The following KIAA1549 variants were observed in gnomAD, a reference collection of about 807,000 sequenced individuals.
The protein encoded by KIAA1549 is KIAA1549, also known as UPF0606 protein KIAA1549.
In KIAA1549, 70 loss-of-function variants were observed where a neutral mutation model predicts 156.4. That is an observed-to-expected ratio of 0.45 (90% CI 0.37 to 0.55). KIAA1549 has a LOEUF of 0.55. Among genes scored for constraint, KIAA1549 ranks in the 20% least tolerant of loss-of-function variants. KIAA1549 has a pLI of 0.00. For missense variants in KIAA1549, 2,428 were observed against 2,540.9 expected (o/e 0.96, Z 0.96); for synonymous variants, 1,103 against 1,066.4 (o/e 1.03, Z -0.67).
chr7:138,853,691 G>A (rs760053763), intron 16 of KIAA1549, among the ~76,000 whole-genome samples: 10 of 152,132 alleles, frequency 6.6e-5, no homozygotes, highest in Non-Finnish European at 1.2e-4. Flanking sequence ...GGAACCTTGT[G>A]GAGTTCCCCA....
In KIAA1549 at chr7:138,844,774, C is replaced by T. The variant is rs540192358; in HGVS notation, c.5295-300G>A. 5.9e-5 allele frequency among the ~76,000 whole-genome samples: 9 copies of T among 152,098 alleles called. No individual in the cohort carries two copies. The South Asian group carries it at 8.3e-4, about 14-fold the overall frequency. On this transcript the variant is annotated intron_variant, in intron 17 of 19. Transcript: ENST00000422774. ...CCTGTGCTTCCTACCCCTGGCTACA[C>T]GTCTGCATCACCTGGCGGGCCCGAA...
rs1563039449 is a variant in KIAA1549 at position 138,832,190 on chromosome 7, C to CTTTTTTTTTTTTTTTGTTTTT, written c.*5715_*5716insAAAAACAAAAAAAAAAAAAAA. On this transcript the variant is annotated 3_prime_UTR_variant, in exon 20 of 20. Transcript: ENST00000422774. ...TTCACCTCTGTCCCTTTTACCTATT[C>CTTTTTTTTTTTTTTTGTTTTT]CTTTTTTTTTTTTTTTTTTTTCCAG... 1 of 168,174 alleles carries CTTTTTTTTTTTTTTTGTTTTT rather than the reference C, an allele frequency of 5.9e-6. No individual in the cohort carries two copies. Among genetic ancestry groups the CTTTTTTTTTTTTTTTGTTTTT allele is most frequent in the Non-Finnish European group, 1.1e-5 (1 of 89,230 alleles). 10.4% of individuals were successfully genotyped at this position (168,174 alleles called of 1,614,324 possible).
At chr7:138,842,647 T>C (rs1355109352) in intron 18 of KIAA1549, among the ~76,000 whole-genome samples, 1 of 150,624 alleles carries the variant, frequency 6.6e-6, no homozygotes, top group Admixed American at 6.6e-5. Flanking sequence ...GCGCCGAGAC[T>C]GTGCCACTGC....
intron 1 of KIAA1549, among the ~76,000 whole-genome samples, chr7:138,942,097 G>A (rs559193165): frequency 1.6e-4 from 25 of 152,214 alleles, no homozygotes; most frequent in African/African-American, 5.5e-4. Flanking sequence ...GGCTCCAAAA[G>A]ATTAAGTAAC....
intron 16 of KIAA1549, 62 bp downstream of exon 16, chr7:138,861,077 C>G: frequency 6.5e-7 from 1 of 1,544,926 alleles, no homozygotes; most frequent in East Asian, 2.2e-5. Context: ...GAAAGTCAGG[C>G]AGTCAGGCAA....
chr7:138,901,246 CTTCTA>C (rs1313469618), intron 8 of KIAA1549, among the ~76,000 whole-genome samples: 1 of 151,972 alleles, frequency 6.6e-6, no homozygotes, highest in Non-Finnish European at 1.5e-5. Context: ...TAGCATTTTC[CTTCTA>C]TTCTTTCTCC....
At chr7:138,897,283 C>T (rs1392551280) in intron 9 of KIAA1549, among the ~76,000 whole-genome samples, 1 of 152,166 alleles carries the variant, frequency 6.6e-6, no homozygotes, top group Non-Finnish European at 1.5e-5. Flanking sequence ...CTCACATACA[C>T]AAACACAAAT....
intron 7 of KIAA1549, among the ~76,000 whole-genome samples, chr7:138,904,150 G>A (rs1811941776): frequency 6.6e-6 from 1 of 152,174 alleles, no homozygotes; most frequent in African/African-American, 2.4e-5. Context: ...CTTGCCTTGA[G>A]ACTTGGACTC....
chr7:138,971,702 G>A (rs138013446), intron 1 of KIAA1549, among the ~76,000 whole-genome samples: 5 of 152,232 alleles, frequency 3.3e-5, no homozygotes, highest in East Asian at 1.9e-4. Flanking sequence ...CCTCAACCTC[G>A]AGAGGGCAAA....
At chr7:138,867,922 T>A (rs1563055408) in intron 15 of KIAA1549, 53 bp downstream of exon 15, 1 of 1,593,744 alleles carries the variant, frequency 6.3e-7, no homozygotes, top group African/African-American at 1.3e-5. Flanking sequence ...TCAGCGCATC[T>A]TTCTAGGAGC....
intron 1 of KIAA1549, among the ~76,000 whole-genome samples, chr7:138,959,877 T>A (rs939904115): frequency 1.3e-5 from 2 of 152,182 alleles, no homozygotes; most frequent in African/African-American, 2.4e-5. Context: ...GGACTAACAA[T>A]TTTCAATTCC....
chr7:138,910,358 G>C (rs1004057257), intron 4 of KIAA1549, among the ~76,000 whole-genome samples: 10 of 151,410 alleles, frequency 6.6e-5, no homozygotes, highest in African/African-American at 2.4e-4. Flanking sequence ...GGCAACTTAG[G>C]AAGACCCCAT....
chr7:138,980,272 G>A (rs1011077667), intron 1 of KIAA1549, among the ~76,000 whole-genome samples: 4 of 152,246 alleles, frequency 2.6e-5, no homozygotes, highest in African/African-American at 7.2e-5. Flanking sequence ...AGACCATCCT[G>A]TGTACAGGCT....
chr7:138,855,720 T>A (rs552074149), intron 16 of KIAA1549, among the ~76,000 whole-genome samples: 1 of 152,212 alleles, frequency 6.6e-6, no homozygotes, highest in Non-Finnish European at 1.5e-5. Flanking sequence ...AATTTCATGA[T>A]AGTCAATCTC....
At chr7:138,938,768 C>T (rs1221703026) in intron 1 of KIAA1549, among the ~76,000 whole-genome samples, 1 of 152,232 alleles carries the variant, frequency 6.6e-6, no homozygotes, top group East Asian at 1.9e-4. Flanking sequence ...TTATTATAGG[C>T]CAGGCACAGT....
intron 1 of KIAA1549, among the ~76,000 whole-genome samples, chr7:138,932,671 G>A (rs553560169): frequency 7.2e-5 from 11 of 152,272 alleles, no homozygotes; most frequent in Admixed American, 3.9e-4. Flanking sequence ...AGATGACAGC[G>A]GCTTAGAGTG....
At chr7:138,906,349 A>C (rs1022174523) in intron 6 of KIAA1549, among the ~76,000 whole-genome samples, 1 of 152,194 alleles carries the variant, frequency 6.6e-6, no homozygotes, top group African/African-American at 2.4e-5. Context: ...GGTTCAACCA[A>C]TGATGCAGGA....
Position 138,917,024 on chromosome 7 carries a change from G to A in KIAA1549, c.2602C>T (p.Pro868Ser). 1.9e-6 allele frequency: 3 copies of A among 1,604,642 alleles called. No individual in the cohort carries two copies. The highest frequency in any genetic ancestry group is 2.6e-6 in the Non-Finnish European group (3 of 1,175,664). ...PLPTELTVVG[P>S]SLTPTEVPLN... ...GGCACCTCTGTGGGTGTGAGTGATG[G>A]GCCCACGACGGTCAGCTCTGTGGGC... is the stretch of plus-strand genomic sequence containing the variant. Residue 868 changes from proline to serine, a missense_variant, in exon 2 of 20, where the codon CCA (proline) becomes TCA (serine). Pro to Ser is a moderately conservative substitution (Grantham distance 74). This residue lies in a region of KIAA1549 where 762 missense variants were observed against 901.6 expected (regional missense o/e 0.85). Coordinates refer to ENST00000422774, the MANE Select transcript of KIAA1549 (RefSeq NM_001164665.2).
intron 8 of KIAA1549, among the ~76,000 whole-genome samples, chr7:138,900,874 T>C (rs544091182): frequency 2.0e-5 from 3 of 152,356 alleles, no homozygotes; most frequent in East Asian, 1.9e-4. Context: ...GCTTTTTGTA[T>C]AGCCTGAAGA....
Sources: allele counts gnomAD v4.1 joint callset (sites outside exome capture counted in the v4.1 genomes callset), GRCh38; gene constraint gnomAD v4.1.1; regional missense constraint gnomAD v4.1.1; transcripts MANE v1.5; gene names NCBI Gene and HGNC (gene_info 2026-07-23, HGNC 2026-07-21).